The following CCDC186 variants were observed in gnomAD, a reference collection of about 807,000 sequenced individuals.
CCDC186 encodes the protein coiled-coil domain containing 186.
In CCDC186, 49 loss-of-function variants were observed where a neutral mutation model predicts 113.7. That is an observed-to-expected ratio of 0.43 (90% CI 0.34 to 0.55). CCDC186 has a LOEUF of 0.55. Ranked by LOEUF, CCDC186 falls within the 20% of genes least tolerant of loss-of-function variation. The pLI, the probability that CCDC186 is intolerant of heterozygous loss-of-function variation, is 0.02. For missense variants in CCDC186, 890 were observed against 1,011.1 expected (o/e 0.88, Z 1.62); for synonymous variants, 355 against 345.8 (o/e 1.03, Z -0.30).
Position 114,125,136 on chromosome 10 carries a change from G to C in CCDC186, c.*7C>G. ...CTTTTGTCTCTTTACTGAGCAAGAG[G>C]CTTGTTTTAGGTTTTCTTTGTCCTC... On this transcript the variant is annotated 3_prime_UTR_variant, in exon 16 of 16. Transcript: ENST00000369287. 1 of 1,593,606 alleles carries C rather than the reference G, an allele frequency of 6.3e-7. No homozygotes were observed. Among genetic ancestry groups the C allele is most frequent in the South Asian group, 1.1e-5 (1 of 89,152 alleles).
chr10:114,129,500 C>A (rs1024744917), intron 13 of CCDC186, among the ~76,000 whole-genome samples: 2 of 152,118 alleles, frequency 1.3e-5, no homozygotes, highest in Admixed American at 1.3e-4. Context: ...CAAAATGAAA[C>A]AAAGCATATC....
At chr10:114,169,818 C>T (rs2032442225) in intron 1 of CCDC186, among the ~76,000 whole-genome samples, 1 of 152,156 alleles carries the variant, frequency 6.6e-6, no homozygotes, top group East Asian at 1.9e-4. Flanking sequence ...TCAATGTAAC[C>T]TGCTCACAAC....
rs190118058 is a variant in CCDC186 at position 114,157,755 on chromosome 10, T to C, written c.633-75A>G. The C allele has an allele frequency of 5.0e-3, 5,906 of 1,178,566 alleles. 27 individuals are homozygous for C. The highest frequency in any genetic ancestry group is 5.3e-3 in the Non-Finnish European group (4,421 of 839,586). 73.0% of individuals were successfully genotyped at this position (1,178,566 alleles called of 1,614,324 possible). ...AAAATAATATGTGGAATATAATTTC[T>C]TTACAGATCAGGGTACAGATATCTA... On this transcript the variant is annotated intron_variant, in intron 2 of 15. Coordinates refer to ENST00000369287, the MANE Select transcript of CCDC186 (RefSeq NM_018017.4).
At chr10:114,143,676 G>A (rs972579707) in intron 6 of CCDC186, among the ~76,000 whole-genome samples, 5 of 152,268 alleles carry the variant, frequency 3.3e-5, no homozygotes, top group Admixed American at 6.5e-5. Flanking sequence ...CTATATCAGA[G>A]AATACAATAT....
At chr10:114,157,450 C>A in intron 3 of CCDC186, 104 bp downstream of exon 3, 2 of 1,154,062 alleles carry the variant, frequency 1.7e-6, no homozygotes, top group South Asian at 1.8e-5. Flanking sequence ...CCTTGGCCTC[C>A]CAAAGTGCTA....
chr10:114,170,023 A>T (rs1477179951), intron 1 of CCDC186, among the ~76,000 whole-genome samples: 1 of 152,176 alleles, frequency 6.6e-6, no homozygotes, highest in Non-Finnish European at 1.5e-5. Flanking sequence ...TAAGCCTCCC[A>T]AGTAGATAAG....
Position 114,127,500 on chromosome 10 carries a change from T to C in CCDC186, c.2354A>G (p.His785Arg). 6.2e-7 allele frequency: 1 copy of C among 1,614,090 alleles called. No homozygotes were observed. The highest frequency in any genetic ancestry group is 8.5e-7 in the Non-Finnish European group (1 of 1,179,990). ...KNEKIEFMED[H>R]IKQLVEEIRK... ...AATTTCTTCCACCAGTTGTTTGATG[T>C]GGTCCTCCATAAATTCTATCTTTTC... Residue 785 changes from histidine to arginine, a missense_variant, in exon 14 of 16, where the codon CAC becomes CGC. Transcript: ENST00000369287.
At chr10:114,142,314 G>A (rs1036026184) in intron 6 of CCDC186, among the ~76,000 whole-genome samples, 2 of 152,168 alleles carry the variant, frequency 1.3e-5, no homozygotes, top group African/African-American at 4.8e-5. Flanking sequence ...CTAGCTTCTG[G>A]GTCCAAGAAT....
intron 1 of CCDC186, chr10:114,165,898 AC>A: frequency 1.0e-6 from 1 of 978,388 alleles, no homozygotes; most frequent in Non-Finnish European, 1.2e-6. Context: ...GTCAAATTAT[AC>A]CTCTTCATGC....
At chr10:114,138,243 AAAAC>A (rs1380759049) in intron 6 of CCDC186, among the ~76,000 whole-genome samples, 11 of 112,978 alleles carry the variant, frequency 9.7e-5, no homozygotes, top group African/African-American at 4.3e-4. Flanking sequence ...TTGTCACAAA[AAAAC>A]AAAACAAAAC....
chr10:114,127,064 C>A (rs900134598), intron 14 of CCDC186, among the ~76,000 whole-genome samples: 11 of 152,230 alleles, frequency 7.2e-5, no homozygotes, highest in African/African-American at 2.4e-4. Context: ...ACAGGCACAG[C>A]GCCTTGTACT....
At position 114,145,758 on chromosome 10, in the gene CCDC186, T is replaced by G; in HGVS notation, c.892A>C (p.Asn298His). ...TGGCGTGCCTCTTCACATTTCTTGT[T>G]GGCCTTCAAAAAAAATATTACTTAG... ...KEMAQRMEQA[N>H]KKCEEARQEK... Residue 298 changes from asparagine to histidine, a missense_variant, in exon 5 of 16, where the codon AAC becomes CAC. Physicochemically the swap from Asn to His is moderately conservative, Grantham distance 68. Coordinates refer to ENST00000369287, the MANE Select transcript of CCDC186 (RefSeq NM_018017.4). 2 of 1,575,186 alleles carry G rather than the reference T, an allele frequency of 1.3e-6. No homozygotes were observed. Among genetic ancestry groups the G allele is most frequent in the Non-Finnish European group, 1.7e-6 (2 of 1,169,574 alleles).
At chr10:114,127,309 C>T in intron 14 of CCDC186, 152 bp downstream of exon 14, 3 of 704,964 alleles carry the variant, frequency 4.3e-6, no homozygotes, top group Non-Finnish European at 2.3e-6. Context: ...AAACCTAGAA[C>T]ATAATAGGTG....
At chr10:114,133,485 C>G (rs1694032328) in intron 10 of CCDC186, among the ~76,000 whole-genome samples, 1 of 152,080 alleles carries the variant, frequency 6.6e-6, no homozygotes, top group Non-Finnish European at 1.5e-5. Context: ...CTCAAAAGTC[C>G]TGCAGCATAC....
At chr10:114,173,321 A>C (rs1564922892) in intron 1 of CCDC186, 1 of 425,356 alleles carries the variant, frequency 2.4e-6, no homozygotes, top group East Asian at 7.1e-5. Context: ...TTAACAGCTA[A>C]GCAATACTCA....
intron 3 of CCDC186, among the ~76,000 whole-genome samples, chr10:114,155,028 A>G (rs931335028): frequency 6.6e-6 from 1 of 152,226 alleles, no homozygotes; most frequent in Non-Finnish European, 1.5e-5. Context: ...CGTCCAGAAC[A>G]GGCAAATATA....
Position 114,151,147 on chromosome 10 carries a change from G to A in CCDC186, c.833C>T (p.Thr278Ile), listed in dbSNP as rs1415799064. ...TAACTGCTGAACTGCATTTTTAGCTGTAACGTCTTGAGCTATTAGTTGATC... is the reference window on the plus strand; with the variant it reads ...TAACTGCTGAACTGCATTTTTAGCTATAACGTCTTGAGCTATTAGTTGATC... The part of the protein sequence containing the change: ...SRDQLIAQDV[T>I]AKNAVQQLHK... The change falls in exon 4 of 16, where the codon ACA (threonine) becomes ATA (isoleucine). Residue 278 changes from threonine (T) to isoleucine (I), a missense_variant. Coordinates refer to ENST00000369287, the MANE Select transcript of CCDC186 (RefSeq NM_018017.4). 1 of 1,613,520 alleles carries A rather than the reference G, an allele frequency of 6.2e-7. No individual in the cohort carries two copies. The highest frequency in any genetic ancestry group is 1.7e-5 in the Admixed American group (1 of 59,998).
chr10:114,134,846 T>C, intron 10 of CCDC186, 67 bp downstream of exon 10: 1 of 1,533,288 alleles, frequency 6.5e-7, no homozygotes, highest in Non-Finnish European at 8.7e-7. Flanking sequence ...TAACTGCATT[T>C]AGAAAATCTT....
In CCDC186 at chr10:114,124,974, T is replaced by C. The variant is rs918470553; in HGVS notation, c.*169A>G. ...CATCAAAGCTTTCAGTCTTACAGTA[T>C]ATACAGCAATGCATTCATATTGTAA... On this transcript the variant is annotated 3_prime_UTR_variant, in exon 16 of 16. Coordinates refer to ENST00000369287, the MANE Select transcript of CCDC186 (RefSeq NM_018017.4). The C allele has an allele frequency of 7.4e-6, 4 of 539,184 alleles. No homozygotes were observed. The highest frequency in any genetic ancestry group is 1.3e-5 in the Non-Finnish European group (4 of 304,894). The allele number at this position is 539,184 out of a possible 1,614,324, so 33.4% of individuals were successfully genotyped here.
Sources: allele counts gnomAD v4.1 joint callset (sites outside exome capture counted in the v4.1 genomes callset), GRCh38; gene constraint gnomAD v4.1.1; transcripts MANE v1.5; gene names NCBI Gene and HGNC (gene_info 2026-07-23, HGNC 2026-07-21).